Variants in MIB1 observed in about 807,000 individuals in gnomAD.
MIB1 encodes the protein MIB E3 ubiquitin protein ligase 1.
MIB1 carries 278 observed loss-of-function variants against 124.5 expected under a neutral mutation model. The ratio of observed to expected loss-of-function variants is 2.23; its 90% CI spans 2.02 to 2.47. The LOEUF (loss-of-function observed/expected upper bound fraction) is 2.47, where lower values mean the gene tolerates loss of function less well. Among genes scored for constraint, MIB1 ranks in the 30% most tolerant of loss-of-function variants. The pLI is 0.00. For synonymous variants in MIB1, 446 were observed against 429.4 expected (o/e 1.04, Z -0.48); for missense variants, 957 against 1,254.4 (o/e 0.76, Z 3.58).
chr18:21,789,354 G>A (rs2041475292), intron 6 of MIB1, among the ~76,000 whole-genome samples: 1 of 151,198 alleles, frequency 6.6e-6, no homozygotes, highest in Non-Finnish European at 1.5e-5. Context: ...TTGAATTTAG[G>A]GCCTACCCTA....
intron 8 of MIB1, 123 bp downstream of exon 8, chr18:21,798,351 C>T: frequency 1.0e-6 from 1 of 983,616 alleles, no homozygotes; most frequent in Non-Finnish European, 1.4e-6. Context: ...GATTACACAG[C>T]CTTACTTGAA....
intron 10 of MIB1, among the ~76,000 whole-genome samples, chr18:21,807,871 T>C (rs1252808009): frequency 6.6e-6 from 1 of 152,182 alleles, no homozygotes; most frequent in East Asian, 1.9e-4. Context: ...TATACAAAAG[T>C]AGAGATAATA....
At position 21,844,127 on chromosome 18, in the gene MIB1, G is replaced by A. The variant is rs751550567; in HGVS notation, c.2085G>A (p.Gln695=). 7 of 1,614,004 alleles carry A rather than the reference G, an allele frequency of 4.3e-6. No individual in the cohort carries two copies. The highest frequency in any genetic ancestry group is 2.2e-5 in the East Asian group (1 of 44,866). The change falls in exon 15 of 21, where the codon CAG becomes CAA. Residue 695 remains glutamine, a synonymous_variant. Coordinates refer to ENST00000261537, the MANE Select transcript of MIB1 (RefSeq NM_020774.4). ...LVRAGAKLDI[Q]DKDGDTPLHE... ...GTGCAGGTGCCAAGCTTGATATTCA[G>A]GATAAGGATGGGGATACTCCTTTGC...
In MIB1 at chr18:21,864,565, A is replaced by G. The variant is rs779495899; in HGVS notation, c.2920A>G (p.Ile974Val). The G allele has an allele frequency of 6.2e-7, 1 of 1,613,642 alleles. No homozygotes were observed. Residue 974 changes from isoleucine (I) to valine (V), a missense_variant, in exon 21 of 21, where the codon ATT (isoleucine) becomes GTT (valine). Ile to Val is a conservative substitution (Grantham distance 29). Transcript: ENST00000261537. Reference protein sequence around the residue: ...PVCLDRLKNMIFLCGHGTCQL... With the variant: ...PVCLDRLKNMVFLCGHGTCQL... ...GTGTCTAGATCGTCTGAAGAATATG[A>G]TTTTCCTTTGTGGTCACGGAACCTG...
At chr18:21,817,714 C>A in intron 11 of MIB1, 1 of 439,990 alleles carries the variant, frequency 2.3e-6, no homozygotes, top group Non-Finnish European at 4.6e-6. Flanking sequence ...ATGTACAGTC[C>A]CTTTCCTCAG....
intron 20 of MIB1, among the ~76,000 whole-genome samples, chr18:21,861,012 C>G (rs1326231103): frequency 6.6e-6 from 1 of 152,132 alleles, no homozygotes; most frequent in African/African-American, 2.4e-5. Context: ...ACACTCCATC[C>G]CAGACGGCAG....
intron 3 of MIB1, among the ~76,000 whole-genome samples, chr18:21,769,414 G>A (rs2041200969): frequency 6.6e-6 from 1 of 152,212 alleles, no homozygotes; most frequent in African/African-American, 2.4e-5. Flanking sequence ...TACAGTGGAA[G>A]TAGGGATAAG....
chr18:21,817,241 A>G (rs2041838438), intron 11 of MIB1, among the ~76,000 whole-genome samples: 1 of 134,330 alleles, frequency 7.4e-6, no homozygotes, highest in Admixed American at 9.1e-5. Context: ...GGCTCATTGC[A>G]GTCTCAACCT....
At chr18:21,809,327 C>T (rs2041744187) in intron 10 of MIB1, among the ~76,000 whole-genome samples, 1 of 151,934 alleles carries the variant, frequency 6.6e-6, no homozygotes, top group African/African-American at 2.4e-5. Context: ...GGATTTCTGC[C>T]AAACATTTAA....
intron 10 of MIB1, among the ~76,000 whole-genome samples, chr18:21,806,162 C>T (rs1253561006): frequency 1.3e-5 from 2 of 151,084 alleles, no homozygotes; most frequent in African/African-American, 2.4e-5. Flanking sequence ...CCTCAGCCTC[C>T]TGAAATGCTG....
intron 12 of MIB1, chr18:21,830,879 A>G (rs2041972830): frequency 6.6e-6 from 1 of 151,648 alleles, no homozygotes; most frequent in East Asian, 1.9e-4. Context: ...TTTACCAAAA[A>G]CAAAAACAAA....
chr18:21,850,776 C>T (rs1157400895), intron 17 of MIB1, among the ~76,000 whole-genome samples: 2 of 152,118 alleles, frequency 1.3e-5, no homozygotes, highest in Non-Finnish European at 2.9e-5. Context: ...GATCATTCTA[C>T]TTAGCATTTA....
chr18:21,722,079 G>A (rs1348320429), intron 1 of MIB1, among the ~76,000 whole-genome samples: 1 of 152,028 alleles, frequency 6.6e-6, no homozygotes, highest in East Asian at 1.9e-4. Flanking sequence ...TTTTAAGACG[G>A]GGTCTTGCTC....
intron 1 of MIB1, among the ~76,000 whole-genome samples, chr18:21,757,008 A>C (rs2146394691): frequency 6.6e-6 from 1 of 152,306 alleles, no homozygotes. Flanking sequence ...TTTGGGTGAC[A>C]CATTCACAGA....
chr18:21,747,653 G>T (rs2040926342), intron 1 of MIB1, among the ~76,000 whole-genome samples: 1 of 152,192 alleles, frequency 6.6e-6, no homozygotes. Context: ...AAAGGAGCAT[G>T]TAACACCTTT....
chr18:21,705,673 G>T (rs1195415822), intron 1 of MIB1, among the ~76,000 whole-genome samples: 1 of 152,172 alleles, frequency 6.6e-6, no homozygotes, highest in East Asian at 1.9e-4. Flanking sequence ...AATGCCAAAG[G>T]ATTGTAAATT....
At chr18:21,765,719 T>A in intron 1 of MIB1, 53 bp from the exon 2 acceptor site, 1 of 1,538,246 alleles carries the variant, frequency 6.5e-7, no homozygotes, top group Non-Finnish European at 8.9e-7. Context: ...AGGAATAATA[T>A]TCAAATAAAT....
intron 12 of MIB1, 131 bp from the exon 13 acceptor site, chr18:21,838,234 A>G (rs562037238): frequency 1.7e-6 from 1 of 594,948 alleles, no homozygotes; most frequent in East Asian, 3.1e-5. Flanking sequence ...TGAGATTAGA[A>G]AAGTAGAATT....
chr18:21,774,949 A>G (rs1444168666), intron 4 of MIB1, among the ~76,000 whole-genome samples: 1 of 149,078 alleles, frequency 6.7e-6, no homozygotes, highest in Non-Finnish European at 1.5e-5. Flanking sequence ...TTATTTATTT[A>G]TTTATTTATT....
Sources: gnomAD v4.1 joint callset for allele counts (sites outside exome capture counted in the v4.1 genomes callset) on GRCh38, gnomAD v4.1.1 for gene constraint, MANE v1.5 for transcripts, NCBI Gene and HGNC (gene_info 2026-07-23, HGNC 2026-07-21) for gene names.